KIF20B: variants seen among roughly 807,000 people sequenced by gnomAD.
KIF20B encodes kinesin family member 20B, also known as kinesin-like protein KIF20B.
KIF20B carries 188 observed loss-of-function variants against 232.5 expected under a neutral mutation model. That is an observed-to-expected ratio of 0.81 (90% CI 0.72 to 0.91). The LOEUF is 0.91. Among genes scored for constraint, KIF20B ranks in the 40% least tolerant of loss-of-function variants. The pLI is 0.00. For missense variants in KIF20B, 2,154 were observed against 2,055.9 expected (o/e 1.05, Z -0.92); for synonymous variants, 712 against 683.0 (o/e 1.04, Z -0.66).
chr10:89,761,220 C>T (rs1373655735), intron 28 of KIF20B, among the ~76,000 whole-genome samples: 5 of 151,982 alleles, frequency 3.3e-5, no homozygotes, highest in African/African-American at 1.2e-4. Context: ...ACTGAGGATA[C>T]GAACATCAAT....
chr10:89,743,042 T>G (rs1841839808), intron 21 of KIF20B, among the ~76,000 whole-genome samples: 1 of 152,098 alleles, frequency 6.6e-6, no homozygotes, highest in Non-Finnish European at 1.5e-5. Context: ...TTTAATTTCC[T>G]TCCGTTTTTG....
At chr10:89,715,890 C>CTGAGGG (rs112688076) in intron 8 of KIF20B, among the ~76,000 whole-genome samples, 27,327 of 151,912 alleles carry the variant, frequency 0.18, 2,762 homozygotes, top group Non-Finnish European at 0.24. Context: ...ACTCAGGAGG[C>CTGAGGG]TGAGGCAGGA....
At chr10:89,734,856 A>G (rs1439338858) in intron 19 of KIF20B, among the ~76,000 whole-genome samples, 1 of 152,186 alleles carries the variant, frequency 6.6e-6, no homozygotes, top group African/African-American at 2.4e-5. Context: ...TAATGTAACA[A>G]ACTGATATGT....
chr10:89,729,908 A>G (rs752466714), intron 18 of KIF20B, among the ~76,000 whole-genome samples: 4 of 152,164 alleles, frequency 2.6e-5, no homozygotes, highest in Non-Finnish European at 4.4e-5. Context: ...ATATATGGTA[A>G]TAATGTAGTA....
chr10:89,732,909 G>A lies in KIF20B; in HGVS notation c.2398G>A (p.Ala800Thr). Residue 800 changes from alanine (A) to threonine (T), a missense_variant, in exon 19 of 33, where the codon GCT (alanine) becomes ACT (threonine). Physicochemically the swap from Ala to Thr is moderately conservative, Grantham distance 58. Transcript: ENST00000371728. ...MENTFKCNDK[A>T]DTSSLIINNK... ...TTAACTTATTTTGCTTTAGGACAAG[G>A]CTGATACATCTTCTTTAATAATAAA... 1.9e-6 allele frequency: 3 copies of A among 1,593,048 alleles called. No homozygotes were observed. The highest frequency in any genetic ancestry group is 2.6e-6 in the Non-Finnish European group (3 of 1,168,848).
chr10:89,738,381 A>G lies in KIF20B; in HGVS notation c.3540A>G (p.Ser1180=). 6.2e-7 allele frequency: 1 copy of G among 1,605,598 alleles called. No individual in the cohort carries two copies. The highest frequency in any genetic ancestry group is 8.5e-7 in the Non-Finnish European group (1 of 1,177,758). Residue 1180 remains serine (S), a synonymous_variant, in exon 20 of 33, where the codon TCA becomes TCG. Transcript: ENST00000371728. ...LETQKVECSH[S]AKLEQDILEK... ...CTCAGAAAGTTGAATGTAGTCATTC[A>G]GCCAAGTTAGAACAAGACATTTTGG...
chr10:89,708,699 T>TA (rs869204522), intron 2 of KIF20B, among the ~76,000 whole-genome samples: 14 of 152,278 alleles, frequency 9.2e-5, no homozygotes, highest in East Asian at 7.7e-4. Flanking sequence ...TTTACTTTTT[T>TA]AAAAAAACAT....
chr10:89,740,694 T>G (rs1841778486), intron 21 of KIF20B, among the ~76,000 whole-genome samples: 1 of 152,188 alleles, frequency 6.6e-6, no homozygotes, highest in Non-Finnish European at 1.5e-5. Flanking sequence ...AGGGTCTTAC[T>G]CTGTCACCCA....
intron 23 of KIF20B, among the ~76,000 whole-genome samples, chr10:89,748,294 G>T (rs189085888): frequency 2.3e-3 from 348 of 152,326 alleles, no homozygotes; most frequent in African/African-American, 7.8e-3. Flanking sequence ...ACAGGCTTGA[G>T]CCACCGTGCC....
chr10:89,724,773 C>A (rs573209583), intron 14 of KIF20B, among the ~76,000 whole-genome samples: 2 of 152,002 alleles, frequency 1.3e-5, no homozygotes, highest in South Asian at 4.2e-4. Flanking sequence ...CACACCACCA[C>A]GCCCAGCTAA....
chr10:89,763,808 A>G (rs1323314105), intron 29 of KIF20B, among the ~76,000 whole-genome samples: 9 of 149,380 alleles, frequency 6.0e-5, no homozygotes, highest in Non-Finnish European at 3.0e-5. Context: ...TGGCAGTTAC[A>G]TTTATTAATA....
chr10:89,712,840 G>T (rs1842861522), intron 6 of KIF20B, among the ~76,000 whole-genome samples: 1 of 152,012 alleles, frequency 6.6e-6, no homozygotes, highest in African/African-American at 2.4e-5. Context: ...ACTACTAATT[G>T]TTTTTGTAAA....
intron 26 of KIF20B, 144 bp downstream of exon 26, chr10:89,754,817 C>A: frequency 3.8e-6 from 2 of 522,288 alleles, no homozygotes; most frequent in Admixed American, 4.2e-5. Flanking sequence ...AACTTCTGAG[C>A]CAATTTATCT....
rs2133077575 is a variant in KIF20B, at chr10:89,705,352, G to A, written c.58G>A (p.Asp20Asn). The change falls in exon 2 of 33, where the codon GAC becomes AAC. Residue 20 changes from aspartate to asparagine, a missense_variant. Transcript: ENST00000371728. ...VPRPSYVFSA[D>N]PIARPSEINF... ...TCGACCATCTTATGTTTTTAGTGCTGACCCAATTGCAAGGCCTTCAGAAAT... is the reference window on the plus strand; with the variant it reads ...TCGACCATCTTATGTTTTTAGTGCTAACCCAATTGCAAGGCCTTCAGAAAT... The A allele has an allele frequency of 6.2e-7, 1 of 1,613,930 alleles. No individual in the cohort carries two copies. Among genetic ancestry groups the A allele is most frequent in the Middle Eastern group, 1.7e-4 (1 of 6,060 alleles).
intron 31 of KIF20B, among the ~76,000 whole-genome samples, chr10:89,770,093 C>G (rs1200827685): frequency 6.6e-6 from 1 of 151,972 alleles, no homozygotes; most frequent in East Asian, 1.9e-4. Flanking sequence ...AACTTAAGAC[C>G]AAACAACCAC....
Position 89,709,992 on chromosome 10 carries a change from C to T in KIF20B, c.417C>T (p.Asp139=). ...GTTGCATTATGCAACCAGTAAAAGA[C>T]CTCTTGAAAGGACAGAGTCGTCTGA... is the stretch of plus-strand genomic sequence containing the variant. ...FQGCIMQPVK[D]LLKGQSRLIF... Residue 139 remains aspartate (D), a synonymous_variant, in exon 5 of 33, where the codon GAC becomes GAT. Transcript: ENST00000371728. The T allele has an allele frequency of 1.1e-5, 18 of 1,612,712 alleles. No individual in the cohort carries two copies. Among genetic ancestry groups the T allele is most frequent in the Non-Finnish European group, 1.5e-5 (18 of 1,179,368 alleles).
rs1244665203 is a variant in KIF20B, at chr10:89,738,421, ATCT to A, written c.3582_3584del (p.Leu1195del). ...AGACATTTTGGAAAAGGAATCTATC[ATCT>A]TAAAGCTAGAAAGAAATTTGAAGGA... On this transcript the variant is annotated inframe_deletion, in exon 20 of 33. Transcript: ENST00000371728. 1 of 1,601,096 alleles carries A rather than the reference ATCT, an allele frequency of 6.2e-7. No individual in the cohort carries two copies. Among genetic ancestry groups the A allele is most frequent in the Non-Finnish European group, 8.5e-7 (1 of 1,176,818 alleles).
At chr10:89,729,396 T>C in intron 18 of KIF20B, 149 bp downstream of exon 18, 1 of 857,074 alleles carries the variant, frequency 1.2e-6, no homozygotes, top group Non-Finnish European at 1.6e-6. Flanking sequence ...TTTACTGTTT[T>C]CCAAATCTGA....
At chr10:89,764,047 TC>T (rs916438957) in intron 29 of KIF20B, among the ~76,000 whole-genome samples, 2 of 58,162 alleles carry the variant, frequency 3.4e-5, no homozygotes, top group African/African-American at 7.1e-5. Flanking sequence ...CCCTCCCCCC[TC>T]CCCCCACCCC....
Sources: gnomAD v4.1 joint callset for allele counts (sites outside exome capture counted in the v4.1 genomes callset) on GRCh38, gnomAD v4.1.1 for gene constraint, MANE v1.5 for transcripts, NCBI Gene and HGNC (gene_info 2026-07-23, HGNC 2026-07-21) for gene names.